The following RP1 variants were observed in gnomAD, a reference collection of about 807,000 sequenced individuals.
The protein encoded by RP1 is oxygen-regulated protein 1.
In RP1, 16 loss-of-function variants were observed where a neutral mutation model predicts 14.8. The observed-to-expected ratio is 1.08, with a 90% CI of 0.73 to 1.65. The LOEUF is 1.65. RP1 is among the 40% of genes most tolerant of loss of function. RP1 has a pLI of 0.00. For missense variants in RP1, 2,631 were observed against 2,535.0 expected (o/e 1.04, Z -0.81); for synonymous variants, 876 against 883.6 (o/e 0.99, Z 0.15).
At chr8:54,824,960 C>A (rs555382318) in intron 24 of RP1, among the ~76,000 whole-genome samples, 47,309 of 147,856 alleles carry the variant, frequency 0.32, 7,535 homozygotes, top group South Asian at 0.38. Context: ...CTTTTTCTTT[C>A]TTTTTTTTTT....
chr8:54,694,696 T>A (rs1427107081), intron 12 of RP1, among the ~76,000 whole-genome samples: 1 of 152,182 alleles, frequency 6.6e-6, no homozygotes, highest in Non-Finnish European at 1.5e-5. Context: ...TGCATCTATT[T>A]GATTCTTCTG....
At chr8:54,830,907 G>T (rs747659354) in intron 24 of RP1, among the ~76,000 whole-genome samples, 4 of 151,932 alleles carry the variant, frequency 2.6e-5, no homozygotes, top group Non-Finnish European at 5.9e-5. Context: ...TCTGTTTTCT[G>T]CCTCTTCAAC....
intron 1 of RP1, among the ~76,000 whole-genome samples, chr8:54,586,160 A>G (rs1359932929): frequency 6.6e-6 from 1 of 152,090 alleles, no homozygotes; most frequent in Admixed American, 6.5e-5. Context: ...GATGGTGACA[A>G]ACAGATGGGG....
chr8:54,762,945 A>G (rs942381297), intron 22 of RP1, among the ~76,000 whole-genome samples: 1 of 152,134 alleles, frequency 6.6e-6, no homozygotes, highest in African/African-American at 2.4e-5. Flanking sequence ...TTTTGTAAGG[A>G]CACTGTCGTC....
chr8:54,638,064 C>T (rs1806384646), intron 3 of RP1, among the ~76,000 whole-genome samples: 1 of 152,126 alleles, frequency 6.6e-6, no homozygotes, highest in Admixed American at 6.5e-5. Context: ...TGGGAATCTC[C>T]TTTTCCTCTC....
At chr8:54,731,276 T>C (rs1207710467) in intron 17 of RP1, among the ~76,000 whole-genome samples, 1 of 152,152 alleles carries the variant, frequency 6.6e-6, no homozygotes, top group African/African-American at 2.4e-5. Flanking sequence ...GGTGTTTAAT[T>C]AAATTGTTCA....
intron 24 of RP1, among the ~76,000 whole-genome samples, chr8:54,811,155 A>C (rs778177122): frequency 1.5e-4 from 23 of 152,340 alleles, no homozygotes; most frequent in Non-Finnish European, 2.6e-4. Context: ...TTGAACAAGC[A>C]CATAGTATGA....
At chr8:54,837,534 G>A in exon 25 of RP1, 6 of 1,231,692 alleles carry the variant, frequency 4.9e-6, no homozygotes, top group South Asian at 8.2e-5. Context: ...GTATCTGGAA[G>A]AAGTTAGACT....
chr8:54,703,978 T>C (rs1401337413), intron 14 of RP1, among the ~76,000 whole-genome samples: 4 of 152,188 alleles, frequency 2.6e-5, no homozygotes, highest in Admixed American at 6.5e-5. Flanking sequence ...AGGCTTTGGC[T>C]AAGGGAACAT....
intron 24 of RP1, among the ~76,000 whole-genome samples, chr8:54,813,459 A>G (rs960908442): frequency 6.6e-6 from 1 of 152,230 alleles, no homozygotes; most frequent in Non-Finnish European, 1.5e-5. Context: ...GCCATTGCCC[A>G]GAAATAGGAG....
chr8:54,625,750 A>C lies in RP1; in HGVS notation c.1868A>C (p.Asp623Ala). 6.2e-7 allele frequency: 1 copy of C among 1,613,912 alleles called. No homozygotes were observed. Among genetic ancestry groups the C allele is most frequent in the Non-Finnish European group, 8.5e-7 (1 of 1,179,992 alleles). The change falls in exon 4 of 4, where the codon GAC becomes GCC. Residue 623 changes from aspartate to alanine, a missense_variant. Physicochemically the swap from Asp to Ala is moderately radical, Grantham distance 126 (BLOSUM62 -2). Coordinates refer to ENST00000220676, the MANE Select transcript of RP1 (RefSeq NM_006269.2). ...THFSSNNSGT[D>A]KNISEAPASE... ...TTTTCAAGTAATAACTCTGGAACTG[A>C]CAAAAATATTTCTGAGGCTCCAGCT...
At chr8:54,605,660 T>C (rs1464788431) in intron 1 of RP1, among the ~76,000 whole-genome samples, 11 of 152,142 alleles carry the variant, frequency 7.2e-5, no homozygotes, top group Admixed American at 7.2e-4. Context: ...CCCATTATTA[T>C]TGTGTGGGAG....
chr8:54,766,089 T>A lies in RP1; in HGVS notation c.3249-3652T>A, dbSNP rs543400734. Reference sequence around the variant, plus strand: ...CTCAAGCTGGAAGAAACCTTAGAGGTCACCTAATCTTTGCATGAGTTCCCT... The same window carrying A: ...CTCAAGCTGGAAGAAACCTTAGAGGACACCTAATCTTTGCATGAGTTCCCT... On this transcript the variant is annotated intron_variant, in intron 22 of 22. Coordinates refer to the RP1 transcript ENST00000636932. Among the ~76,000 whole-genome samples, 7 of 152,122 alleles carry A rather than the reference T, an allele frequency of 4.6e-5. No homozygotes were observed. The East Asian group carries it at 1.4e-3, about 29-fold the overall frequency.
chr8:54,725,456 C>A (rs1326527515), intron 16 of RP1, among the ~76,000 whole-genome samples: 1 of 152,130 alleles, frequency 6.6e-6, no homozygotes, highest in Non-Finnish European at 1.5e-5. Flanking sequence ...ACAATGTAAT[C>A]ATGGGCAGTT....
intron 12 of RP1, chr8:54,697,097 C>T (rs954668274): frequency 9.0e-6 from 14 of 1,561,780 alleles, no homozygotes; most frequent in African/African-American, 6.7e-5. Context: ...ACCTGGCTAT[C>T]GGGGTGAACG....
At position 54,679,423 on chromosome 8, in the gene RP1, G is replaced by A; in HGVS notation, c.1482G>A (p.Trp494Ter). 4 of 1,535,690 alleles carry A rather than the reference G, an allele frequency of 2.6e-6. No individual in the cohort carries two copies. The highest frequency in any genetic ancestry group is 3.5e-6 in the Non-Finnish European group (4 of 1,146,618). ...CGATACACTTTTCTTTTCACAGATG[G>A]CTAGATCAGGGGGAAGATGATTGTA... The change falls in exon 10 of 23, where the codon TGG becomes TGA. Residue 494 changes from tryptophan to a stop codon, truncating the protein, a stop_gained. Coordinates refer to the RP1 transcript ENST00000636932. LOFTEE classifies it high-confidence loss of function.
rs2129312058 is a variant in RP1 at position 54,616,142 on chromosome 8, G to GTTTA, written c.-73_-72insTTTA. On this transcript the variant is annotated 5_prime_UTR_variant, in exon 1 of 4. Coordinates refer to ENST00000220676, the MANE Select transcript of RP1 (RefSeq NM_006269.2). ...GTTACATATCCAGTGACATTTATTTGAGCTATTTAAACAACTTAAACATCT... is the reference window on the plus strand; with the variant it reads ...GTTACATATCCAGTGACATTTATTTGTTTAAGCTATTTAAACAACTTAAACATCT... 1 of 152,306 alleles carries GTTTA rather than the reference G, an allele frequency of 6.6e-6. No individual in the cohort carries two copies. The highest frequency in any genetic ancestry group is 1.5e-5 in the Non-Finnish European group (1 of 68,020). 9.4% of individuals were successfully genotyped at this position (152,306 alleles called of 1,614,324 possible). A position where few individuals can be genotyped will look rare whatever the true frequency, so the allele number is the denominator to read the frequency against.
At chr8:54,571,488 G>A (rs1804522041) in intron 1 of RP1, among the ~76,000 whole-genome samples, 1 of 152,186 alleles carries the variant, frequency 6.6e-6, no homozygotes, top group Non-Finnish European at 1.5e-5. Context: ...TCAGAGTCAG[G>A]AGTGGGCTCA....
intron 23 of RP1, among the ~76,000 whole-genome samples, chr8:54,780,159 T>C (rs746959535): frequency 2.0e-5 from 3 of 152,348 alleles, no homozygotes; most frequent in Non-Finnish European, 4.4e-5. Flanking sequence ...TCTGTTGTTG[T>C]AGTGTGAAAA....
Sources: gnomAD v4.1 joint callset for allele counts (sites outside exome capture counted in the v4.1 genomes callset) on GRCh38, gnomAD v4.1.1 for gene constraint, MANE v1.5 for transcripts, NCBI Gene and HGNC (gene_info 2026-07-23, HGNC 2026-07-21) for gene names.